The following LCLAT1 variants were observed in gnomAD, a reference collection of about 807,000 sequenced individuals.
The protein encoded by LCLAT1 is lysocardiolipin acyltransferase 1, also known as 1-AGP acyltransferase 8.
A neutral mutation model predicts 30.7 loss-of-function variants in LCLAT1; 11 were observed. The observed-to-expected ratio is 0.36, with a 90% CI of 0.23 to 0.59. The LOEUF is 0.59. Ranked by LOEUF, LCLAT1 falls within the 20% of genes least tolerant of loss-of-function variation. The pLI is 0.77. For synonymous variants in LCLAT1, 155 were observed against 151.3 expected, an observed-to-expected ratio of 1.02 and a Z score of -0.18; for missense variants, 402 against 458.6, an observed-to-expected ratio of 0.88 and a Z score of 1.13.
At chr2:30,608,898 T>A (rs550492453) in intron 5 of LCLAT1, among the ~76,000 whole-genome samples, 1 of 152,284 alleles carries the variant, frequency 6.6e-6, no homozygotes, top group South Asian at 2.1e-4. Flanking sequence ...TTATACTACA[T>A]AATAGATACT....
At position 30,576,883 on chromosome 2, in the gene LCLAT1, T is replaced by C. The variant is rs930903740; in HGVS notation, c.628+8707T>C. 2.6e-5 allele frequency among the ~76,000 whole-genome samples: 4 copies of C among 152,024 alleles called. No individual in the cohort carries two copies. In the South Asian group the frequency reaches 6.2e-4, roughly 24 times the overall value. ...TTTCATAGTTGATATTTGTGTTGAG[T>C]ATTGCAAAGTAATATTAAAACAGTA... On this transcript the variant is annotated intron_variant, in intron 5 of 5. Transcript: ENST00000379509.
chr2:30,456,824 G>A (rs1357083708), intron 1 of LCLAT1, among the ~76,000 whole-genome samples: 1 of 152,086 alleles, frequency 6.6e-6, no homozygotes, highest in Non-Finnish European at 1.5e-5. Flanking sequence ...TACCTATAAT[G>A]GCCAGGATTT....
intron 5 of LCLAT1, among the ~76,000 whole-genome samples, chr2:30,630,644 T>G (rs1668724125): frequency 6.6e-6 from 1 of 152,224 alleles, no homozygotes. Flanking sequence ...GCCTTCTACT[T>G]TTTTCAAATA....
intron 1 of LCLAT1, among the ~76,000 whole-genome samples, chr2:30,470,204 C>G (rs753969292): frequency 6.6e-6 from 1 of 152,116 alleles, no homozygotes; most frequent in Non-Finnish European, 1.5e-5. Flanking sequence ...TGAAAAATAC[C>G]TCAAGAATCA....
chr2:30,583,944 G>A (rs1431577247), intron 5 of LCLAT1, among the ~76,000 whole-genome samples: 9 of 152,060 alleles, frequency 5.9e-5, no homozygotes, highest in Admixed American at 2.0e-4. Context: ...TATGCAGAAC[G>A]TGCAGGTTTG....
chr2:30,577,044 A>G (rs1666020139), intron 5 of LCLAT1, among the ~76,000 whole-genome samples: 1 of 150,996 alleles, frequency 6.6e-6, no homozygotes, highest in Admixed American at 6.6e-5. Flanking sequence ...TCTAAATGAA[A>G]GTAGTTTTCT....
At position 30,640,038 on chromosome 2, in the gene LCLAT1, G is replaced by A. The variant is rs562268230; in HGVS notation, c.629-79G>A. The stretch of plus-strand genomic sequence containing the variant: ...CTGTCCTGATTTTTCGGTTTCTGGT[G>A]CTGCCCTGCAGTGTGAATCAGCATT... On this transcript the variant is annotated intron_variant, in intron 5 of 5. Transcript: ENST00000379509. 72 of 1,178,212 alleles carry A rather than the reference G, an allele frequency of 6.1e-5. No individual in the cohort carries two copies. In the East Asian group the frequency reaches 1.6e-3, roughly 27 times the overall value. The allele number at this position is 1,178,212 out of a possible 1,614,324, so 73.0% of individuals were successfully genotyped here.
chr2:30,521,489 C>CT lies in LCLAT1; in HGVS notation c.-4-4096dup, dbSNP rs1262784785. Among the ~76,000 whole-genome samples the CT allele has an allele frequency of 2.1e-3, 114 of 55,514 alleles. 11 individuals are homozygous for CT. The highest frequency in any genetic ancestry group is 8.0e-3 in the African/African-American group (98 of 12,232). 36.4% of individuals were successfully genotyped at this position (55,514 alleles called of 152,430 possible). On this transcript the variant is annotated intron_variant, in intron 1 of 5. Coordinates refer to ENST00000379509, the MANE Select transcript of LCLAT1 (RefSeq NM_001002257.3). ...GTTTCCTCAACCCCCTAAACTACTTCTTCTTTTTTTTTTTTTTTTTTTTTT... is the reference window on the plus strand; with the variant it reads ...GTTTCCTCAACCCCCTAAACTACTTCTTTCTTTTTTTTTTTTTTTTTTTTTT...
chr2:30,563,186 C>T (rs910739046), intron 4 of LCLAT1, among the ~76,000 whole-genome samples: 3 of 152,122 alleles, frequency 2.0e-5, no homozygotes, highest in East Asian at 1.9e-4. Flanking sequence ...ACCACCACAC[C>T]TGGCTACCAG....
At chr2:30,593,266 A>G (rs1023527017) in intron 5 of LCLAT1, among the ~76,000 whole-genome samples, 37 of 152,176 alleles carry the variant, frequency 2.4e-4, no homozygotes, top group African/African-American at 8.9e-4. Flanking sequence ...GCTGAATAAT[A>G]TTTCATTATA....
intron 3 of LCLAT1, among the ~76,000 whole-genome samples, chr2:30,535,422 C>A (rs1471008788): frequency 1.3e-5 from 2 of 152,106 alleles, no homozygotes; most frequent in African/African-American, 4.8e-5. Flanking sequence ...TGTGTGCATA[C>A]GTGTGTTCAC....
At chr2:30,496,234 C>T (rs896852934) in intron 1 of LCLAT1, among the ~76,000 whole-genome samples, 44 of 152,172 alleles carry the variant, frequency 2.9e-4, no homozygotes, top group African/African-American at 1.0e-3. Flanking sequence ...GCCCCTCTTC[C>T]AACATTGGGG....
chr2:30,641,195 T>G lies in LCLAT1; in HGVS notation c.*576T>G, dbSNP rs1205624148. 1 of 152,400 alleles carries G rather than the reference T, an allele frequency of 6.6e-6. No homozygotes were observed. The highest frequency in any genetic ancestry group is 1.5e-5 in the Non-Finnish European group (1 of 68,232). 9.4% of individuals were successfully genotyped at this position (152,400 alleles called of 1,614,324 possible). On this transcript the variant is annotated 3_prime_UTR_variant, in exon 6 of 6. Coordinates refer to ENST00000379509, the MANE Select transcript of LCLAT1 (RefSeq NM_001002257.3). ...GGAAGCCCTTCATTATTCATAACAT[T>G]GTATGCTGACCAAGACGTCAGAAGA... is the stretch of plus-strand genomic sequence containing the variant.
At chr2:30,498,635 C>T (rs1022335707) in intron 1 of LCLAT1, among the ~76,000 whole-genome samples, 10 of 152,106 alleles carry the variant, frequency 6.6e-5, no homozygotes, top group African/African-American at 1.9e-4. Flanking sequence ...TCCTCTCTCA[C>T]GATTTCTTAC....
chr2:30,611,222 C>G (rs535733367), intron 5 of LCLAT1, among the ~76,000 whole-genome samples: 4 of 151,688 alleles, frequency 2.6e-5, no homozygotes, highest in Admixed American at 1.3e-4. Flanking sequence ...TTGCATTGCT[C>G]TATGTGAACA....
intron 1 of LCLAT1, chr2:30,489,075 C>T (rs548654719): frequency 1.8e-4 from 28 of 152,282 alleles, no homozygotes; most frequent in African/African-American, 6.7e-4. Context: ...GAATATGCGA[C>T]TTAGACTATA....
At chr2:30,595,438 A>G (rs77908152) in intron 5 of LCLAT1, among the ~76,000 whole-genome samples, 322 of 152,190 alleles carry the variant, frequency 2.1e-3, no homozygotes, top group African/African-American at 3.6e-3. Flanking sequence ...CCATATTCCT[A>G]TTCTGCTCAA....
intron 5 of LCLAT1, among the ~76,000 whole-genome samples, chr2:30,614,746 A>G (rs1667911939): frequency 6.6e-6 from 1 of 152,200 alleles, no homozygotes; most frequent in South Asian, 2.1e-4. Context: ...TGATATTTAA[A>G]GCTGCAAGAC....
intron 5 of LCLAT1, among the ~76,000 whole-genome samples, chr2:30,623,888 A>C (rs2148519444): frequency 6.6e-6 from 1 of 152,318 alleles, no homozygotes; most frequent in Middle Eastern, 3.4e-3. Context: ...AACCTGTAAA[A>C]GAAAACCTAT....
Sources: allele counts gnomAD v4.1 joint callset (sites outside exome capture counted in the v4.1 genomes callset), GRCh38; gene constraint gnomAD v4.1.1; transcripts MANE v1.5; gene names NCBI Gene and HGNC (gene_info 2026-07-23, HGNC 2026-07-21).